AGMO: variants seen among roughly 807,000 people sequenced by gnomAD.
The protein encoded by AGMO is alkylglycerol monooxygenase, also known as glyceryl-ether monooxygenase.
A neutral mutation model predicts 60.2 loss-of-function variants in AGMO; 75 were observed. That is an observed-to-expected ratio of 1.25 (90% CI 1.03 to 1.51). The LOEUF (loss-of-function observed/expected upper bound fraction) is 1.51, where lower values mean the gene tolerates loss of function less well. AGMO is among the 40% of genes most tolerant of loss of function. The pLI, the probability that AGMO is intolerant of heterozygous loss-of-function variation, is 0.00. For synonymous variants in AGMO, 261 were observed against 177.1 expected, an observed-to-expected ratio of 1.47 and a Z score of -3.76; for missense variants, 763 against 525.5, an observed-to-expected ratio of 1.45 and a Z score of -4.42.
intron 4 of AGMO, among the ~76,000 whole-genome samples, chr7:15,429,260 G>A (rs1781161504): frequency 6.6e-6 from 1 of 151,986 alleles, no homozygotes; most frequent in South Asian, 2.1e-4. Context: ...ACCTTATTTG[G>A]AAATAGGGTT....
chr7:15,354,501 TATA>T (rs1782439629), intron 12 of AGMO, among the ~76,000 whole-genome samples: 1 of 18,612 alleles, frequency 5.4e-5, no homozygotes, highest in Non-Finnish European at 1.1e-4. Context: ...CACGTGTATA[TATA>T]TATATATATA....
chr7:15,469,518 A>G (rs1269862001), intron 3 of AGMO, among the ~76,000 whole-genome samples: 1 of 152,170 alleles, frequency 6.6e-6, no homozygotes, highest in African/African-American at 2.4e-5. Flanking sequence ...CTTACTGGAT[A>G]AGTAACCTTG....
chr7:15,202,263 G>T (rs1176668331), intron 12 of AGMO, among the ~76,000 whole-genome samples: 1 of 151,878 alleles, frequency 6.6e-6, no homozygotes, highest in East Asian at 1.9e-4. Context: ...AAGATTCACT[G>T]AAATATACAA....
the AGMO span, among the ~76,000 whole-genome samples, chr7:15,124,342 T>C: frequency 6.6e-6 from 1 of 152,000 alleles, no homozygotes; most frequent in African/African-American, 2.4e-5. Flanking sequence ...TATGATCCAA[T>C]ATGCGTGGCC....
rs2128498380 is a variant in AGMO at position 15,431,228 on chromosome 7, T to C, written c.410-120A>G. 17 of 670,836 alleles carry C rather than the reference T, an allele frequency of 2.5e-5. No homozygotes were observed. In the South Asian group the frequency reaches 3.1e-4, roughly 12 times the overall value. 41.6% of individuals were successfully genotyped at this position (670,836 alleles called of 1,614,324 possible). ...AAATCTGGAACATCTCTGTAAAAGCTGGCCAATATAATTATAATTAAAATA... is the reference window on the plus strand; with the variant it reads ...AAATCTGGAACATCTCTGTAAAAGCCGGCCAATATAATTATAATTAAAATA... On this transcript the variant is annotated intron_variant, in intron 3 of 12. Coordinates refer to ENST00000342526, the MANE Select transcript of AGMO (RefSeq NM_001004320.2).
At chr7:15,345,788 T>A (rs865917126) in intron 12 of AGMO, among the ~76,000 whole-genome samples, 1 of 152,186 alleles carries the variant, frequency 6.6e-6, no homozygotes, top group Non-Finnish European at 1.5e-5. Context: ...TTCACCCATC[T>A]GATAAATCTC....
chr7:15,504,363 G>T (rs951380404), intron 3 of AGMO, among the ~76,000 whole-genome samples: 15 of 151,932 alleles, frequency 9.9e-5, no homozygotes, highest in African/African-American at 3.4e-4. Flanking sequence ...TCCAAGCCTG[G>T]CCTTCTCTGA....
chr7:15,490,313 A>G lies in AGMO; in HGVS notation c.409+54459T>C, dbSNP rs550557457. Among the ~76,000 whole-genome samples the G allele has an allele frequency of 4.5e-4, 68 of 152,352 alleles. 2 individuals carry two copies. In the Middle Eastern group the frequency reaches 0.014, roughly 30 times the overall value. The stretch of plus-strand genomic sequence containing the variant: ...GTGGTATAAATGTGTGAGGTTTTAC[A>G]AAATGTTTTGGGATTTCCTCTTGGA... On this transcript the variant is annotated intron_variant, in intron 3 of 12. Coordinates refer to ENST00000342526, the MANE Select transcript of AGMO (RefSeq NM_001004320.2).
intron 12 of AGMO, among the ~76,000 whole-genome samples, chr7:15,339,515 T>G (rs1215657146): frequency 2.0e-5 from 3 of 152,132 alleles, no homozygotes; most frequent in African/African-American, 4.8e-5. Context: ...GTCAGAAGAG[T>G]CTGCTCCAAA....
intron 12 of AGMO, among the ~76,000 whole-genome samples, chr7:15,289,943 C>CTTTTT (rs36074413): frequency 3.2e-5 from 1 of 31,364 alleles, no homozygotes; most frequent in African/African-American, 9.4e-5. Flanking sequence ...TTCCAGAAAT[C>CTTTTT]TTTTTTTTTT....
chr7:15,529,162 T>C (rs1046339278), intron 3 of AGMO, among the ~76,000 whole-genome samples: 9 of 152,094 alleles, frequency 5.9e-5, no homozygotes, highest in African/African-American at 2.2e-4. Flanking sequence ...ATCGATTTAT[T>C]GCTCAATTTC....
chr7:15,172,622 G>A, the AGMO span, among the ~76,000 whole-genome samples: 2 of 152,116 alleles, frequency 1.3e-5, no homozygotes, highest in African/African-American at 4.8e-5. Context: ...AAGTTCCAGT[G>A]AGAGAGACCC....
the AGMO span, among the ~76,000 whole-genome samples, chr7:15,133,385 G>A: frequency 6.6e-6 from 1 of 152,124 alleles, no homozygotes; most frequent in African/African-American, 2.4e-5. Context: ...AAAGGAAGAT[G>A]GCAAAAGTGC....
At chr7:15,150,213 T>C in the AGMO span, among the ~76,000 whole-genome samples, 2 of 152,106 alleles carry the variant, frequency 1.3e-5, no homozygotes, top group Non-Finnish European at 2.9e-5. Context: ...GGGTAGACTA[T>C]GAGGTTTCCT....
intron 12 of AGMO, among the ~76,000 whole-genome samples, chr7:15,359,032 T>G (rs1480258374): frequency 6.6e-6 from 1 of 152,028 alleles, no homozygotes; most frequent in East Asian, 1.9e-4. Flanking sequence ...TTAATTAGAT[T>G]TAATCCCAGC....
intron 10 of AGMO, among the ~76,000 whole-genome samples, chr7:15,367,690 G>C (rs1182232700): frequency 6.6e-6 from 1 of 152,054 alleles, no homozygotes; most frequent in Non-Finnish European, 1.5e-5. Context: ...GATTAAAAGT[G>C]GATCAGTAAA....
intron 2 of AGMO, among the ~76,000 whole-genome samples, chr7:15,550,758 T>A (rs1784929657): frequency 7.1e-6 from 1 of 140,524 alleles, no homozygotes; most frequent in Admixed American, 7.3e-5. Context: ...ACTGGTACCA[T>A]TCCTTCTGAA....
rs1244219416 is a variant in AGMO, at chr7:15,366,178, G to C, written c.1119C>G (p.Ile373Met). 6.2e-7 allele frequency: 1 copy of C among 1,609,190 alleles called. No individual in the cohort carries two copies. The highest frequency in any genetic ancestry group is 1.3e-5 in the African/African-American group (1 of 74,636). Residue 373 changes from isoleucine to methionine, a missense_variant, in exon 11 of 13, where the codon ATC (isoleucine) becomes ATG (methionine). Coordinates refer to ENST00000342526, the MANE Select transcript of AGMO (RefSeq NM_001004320.2). ...GAAATCCAATGGAAGTCAAGGTCAG[G>C]ATAATGAAGCAAACCCTCAGAAGGA... ...VTLLLRVCFIILTLTSIGFLL... is the reference protein window; with the variant it reads ...VTLLLRVCFIMLTLTSIGFLL...
At chr7:15,203,047 C>T (rs375113793) in intron 12 of AGMO, among the ~76,000 whole-genome samples, 5 of 152,174 alleles carry the variant, frequency 3.3e-5, no homozygotes, top group South Asian at 4.1e-4. Context: ...GTGCAGGGTG[C>T]TGGAATCTAA....
Sources: allele counts gnomAD v4.1 joint callset (sites outside exome capture counted in the v4.1 genomes callset), GRCh38; gene constraint gnomAD v4.1.1; transcripts MANE v1.5; gene names NCBI Gene and HGNC (gene_info 2026-07-23, HGNC 2026-07-21).